ZNF615: variants seen among roughly 807,000 people sequenced by gnomAD.
ZNF615 encodes zinc finger protein 615.
ZNF615 carries 15 observed loss-of-function variants against 15.3 expected under a neutral mutation model. The ratio of observed to expected loss-of-function variants is 0.98; its 90% CI spans 0.66 to 1.51. ZNF615 has a LOEUF of 1.51. Among genes scored for constraint, ZNF615 ranks in the 40% most tolerant of loss-of-function variants. ZNF615 has a pLI of 0.00. For synonymous variants in ZNF615, 268 were observed against 294.6 expected, an observed-to-expected ratio of 0.91 and a Z score of 0.92; for missense variants, 848 against 895.9, an observed-to-expected ratio of 0.95 and a Z score of 0.68.
chr19:52,003,144 G>GA (rs57061790), intron 3 of ZNF615, among the ~76,000 whole-genome samples: 62,984 of 150,186 alleles, frequency 0.42, 15,074 homozygotes, highest in African/African-American at 0.65. Context: ...AGCAAATTTG[G>GA]AAAAAAAAAT....
rs2123006631 is a variant in ZNF615, at chr19:51,993,829, A to G, written c.1280T>C (p.Met427Thr). The G allele has an allele frequency of 6.2e-7, 1 of 1,614,126 alleles. No homozygotes were observed. The highest frequency in any genetic ancestry group is 1.1e-5 in the South Asian group (1 of 91,076). ...GKGFSMKHCL[M>T]VHQRTHTGEK... is the part of the protein sequence containing the mutation. The stretch of plus-strand genomic sequence containing the variant: ...TCCAGTATGAGTTCGTTGATGTACC[A>G]TGAGACAGTGCTTCATTGAAAAGCC... Residue 427 changes from methionine (M) to threonine (T), a missense_variant, in exon 7 of 7, where the codon ATG (methionine) becomes ACG (threonine). Transcript: ENST00000598071.
At chr19:51,998,799 C>T (rs2086513051) in intron 6 of ZNF615, among the ~76,000 whole-genome samples, 1 of 152,096 alleles carries the variant, frequency 6.6e-6, no homozygotes, top group Non-Finnish European at 1.5e-5. Flanking sequence ...GGATTATAGG[C>T]ACATACCACC....
chr19:51,997,387 C>T (rs2086470003), intron 6 of ZNF615, among the ~76,000 whole-genome samples: 1 of 152,208 alleles, frequency 6.6e-6, no homozygotes, highest in Non-Finnish European at 1.5e-5. Context: ...GTGATTATCA[C>T]ATTCCCCAAA....
rs1199619143 is a variant in ZNF615, at chr19:51,991,738, T to C, written c.*1142A>G. On this transcript the variant is annotated 3_prime_UTR_variant, in exon 7 of 7. Transcript: ENST00000598071. ...ACATGAATCAATATATGTGTTAAGA[T>C]TTCTTAAAGCTACATATAAAAAACA... 6.6e-6 allele frequency: 1 copy of C among 152,178 alleles called. No homozygotes were observed. Among genetic ancestry groups the C allele is most frequent in the Admixed American group, 6.5e-5 (1 of 15,276 alleles). The allele number at this position is 152,178 out of a possible 1,614,324, so 9.4% of individuals were successfully genotyped here.
chr19:52,006,871 T>G (rs374262360), intron 2 of ZNF615, among the ~76,000 whole-genome samples: 2 of 152,064 alleles, frequency 1.3e-5, no homozygotes, highest in Non-Finnish European at 2.9e-5. Flanking sequence ...GATGACCAAA[T>G]ATAAAATAAA....
At position 52,001,925 on chromosome 19, in the gene ZNF615, A is replaced by AC. The variant is rs767701823; in HGVS notation, c.143-18dup. On this transcript the variant is annotated splice_polypyrimidine_tract_variant and intron_variant, in intron 4 of 6. Transcript: ENST00000598071. ...CTTGATACCCTGTTCATGGGAAATG[A>AC]CAGAAGATTTAGACAAATCAAACGG... The AC allele has an allele frequency of 3.6e-5, 58 of 1,613,674 alleles. No individual in the cohort carries two copies. In the African/African-American group the frequency reaches 7.1e-4, roughly 20 times the overall value.
intron 6 of ZNF615, among the ~76,000 whole-genome samples, chr19:51,996,385 C>CAAA (rs1172310589): frequency 8.1e-4 from 27 of 33,194 alleles, no homozygotes; most frequent in South Asian, 1.9e-3. Flanking sequence ...GACTCTGTCT[C>CAAA]AAAAAAAAAA....
chr19:52,002,305 AT>A, intron 3 of ZNF615, 24 bp from the exon 4 acceptor site: 1 of 1,613,722 alleles, frequency 6.2e-7, no homozygotes, highest in Non-Finnish European at 8.5e-7. Flanking sequence ...CTTCTGTTTA[AT>A]GAAGTCATAT....
In ZNF615 at chr19:52,003,654, A is replaced by G. The variant is rs148208488; in HGVS notation, c.15+43T>C. 965 of 1,559,306 alleles carry G rather than the reference A, an allele frequency of 6.2e-4. 6 individuals carry two copies. In the African/African-American group the frequency reaches 0.011, roughly 18 times the overall value. On this transcript the variant is annotated intron_variant, in intron 3 of 6. Transcript: ENST00000598071. The stretch of plus-strand genomic sequence containing the variant: ...CTGATTTTTACAGGACTTTAAAAAT[A>G]CATTGGAGAATAAAGGAAAGAATAA...
intron 3 of ZNF615, 36 bp from the exon 4 acceptor site, chr19:52,002,317 T>C (rs745987019): frequency 6.2e-7 from 1 of 1,613,078 alleles, no homozygotes; most frequent in East Asian, 2.2e-5. Flanking sequence ...GAAGTCATAT[T>C]CTTTTGGTGA....
In ZNF615 at chr19:52,007,311, T is replaced by G. The variant is rs758281531; in HGVS notation, c.-208A>C. On this transcript the variant is annotated 5_prime_UTR_variant, in exon 2 of 7. Coordinates refer to ENST00000598071, the MANE Select transcript of ZNF615 (RefSeq NM_001199324.2). ...AGCTTACCATGGCAGAGATGTTATC[T>G]TACTTGTGTCAGAAAGAACCTGAAA... 1 of 1,288,980 alleles carries G rather than the reference T, an allele frequency of 7.8e-7. No homozygotes were observed. The highest frequency in any genetic ancestry group is 2.3e-5 in the Admixed American group (1 of 43,428). The allele number at this position is 1,288,980 out of a possible 1,614,324, so 79.8% of individuals were successfully genotyped here.
chr19:51,995,792 A>C lies in ZNF615; in HGVS notation c.272-955T>G, dbSNP rs540944336. Among the ~76,000 whole-genome samples, 76 of 132,168 alleles carry C rather than the reference A, an allele frequency of 5.8e-4. No homozygotes were observed. In the East Asian group the frequency reaches 0.016, roughly 28 times the overall value. 86.7% of individuals were successfully genotyped at this position (132,168 alleles called of 152,430 possible). A position where few individuals can be genotyped will look rare whatever the true frequency, so the allele number is the denominator to read the frequency against. ...TTGCTGTGTTATCTAGGCTGGTCTCACAAGCTCAAGAAGATCCACCTCCCT... is the reference window on the plus strand; with the variant it reads ...TTGCTGTGTTATCTAGGCTGGTCTCCCAAGCTCAAGAAGATCCACCTCCCT... On this transcript the variant is annotated intron_variant, in intron 6 of 6. Transcript: ENST00000598071.
rs966224631 is a variant in ZNF615, at chr19:52,003,555, T to C, written c.15+142A>G. 5.5e-6 allele frequency: 4 copies of C among 721,810 alleles called. No individual in the cohort carries two copies. The East Asian group carries it at 8.3e-5, about 15-fold the overall frequency. The allele number at this position is 721,810 out of a possible 1,614,324, so 44.7% of individuals were successfully genotyped here. A position where few individuals can be genotyped will look rare whatever the true frequency, so the allele number is the denominator to read the frequency against. ...TGTAGTATGAATCCTATGAATAATA[T>C]ATCCCTGATCCTTCTTTGCCCAGAT... On this transcript the variant is annotated intron_variant, in intron 3 of 6. Transcript: ENST00000598071.
chr19:51,992,072 A>G lies in ZNF615; in HGVS notation c.*808T>C, dbSNP rs1331345097. 6.6e-6 allele frequency: 1 copy of G among 152,226 alleles called. No homozygotes were observed. The highest frequency in any genetic ancestry group is 1.5e-5 in the Non-Finnish European group (1 of 68,038). 9.4% of individuals were successfully genotyped at this position (152,226 alleles called of 1,614,324 possible). A position where few individuals can be genotyped will look rare whatever the true frequency, so the allele number is the denominator to read the frequency against. On this transcript the variant is annotated 3_prime_UTR_variant, in exon 7 of 7. Transcript: ENST00000598071. Reference sequence around the variant, plus strand: ...TACACTTATGAACTGAATATACTGTATCCAGTTTCATTCTGAAGTACTTTA... The same window carrying G: ...TACACTTATGAACTGAATATACTGTGTCCAGTTTCATTCTGAAGTACTTTA...
rs373990657 is a variant in ZNF615 at position 51,994,062 on chromosome 19, A to G, written c.1047T>C (p.His349=). 5 of 1,613,948 alleles carry G rather than the reference A, an allele frequency of 3.1e-6. No individual in the cohort carries two copies. Among genetic ancestry groups the G allele is most frequent in the Non-Finnish European group, 2.5e-6 (3 of 1,180,030 alleles). The change falls in exon 7 of 7, where the codon CAT becomes CAC. Residue 349 remains histidine (H), a synonymous_variant. Transcript: ENST00000598071. ...TACATATATAAGGTTTTTCTCCTGT[A>G]TGAGTTTTCTGATGTGTAGTGAGAC... ...KFSLTTHQKT[H]TGEKPYICSE...
chr19:51,996,243 AGGCATGGT>A (rs1013606427), intron 6 of ZNF615, among the ~76,000 whole-genome samples: 6 of 151,922 alleles, frequency 3.9e-5, no homozygotes, highest in African/African-American at 1.2e-4. Flanking sequence ...TACAAAAATT[AGGCATGGT>A]GGCACATGCC....
chr19:51,992,943 A>C lies in ZNF615; in HGVS notation c.2166T>G (p.Ser722Arg). Reference sequence around the variant, plus strand: ...AGTGCGCAAAAGCTTTCCCACAATCACTACATCCATAGGGCCTCTCTCCTG... The same window carrying C: ...AGTGCGCAAAAGCTTTCCCACAATCCCTACATCCATAGGGCCTCTCTCCTG... Reference protein sequence around the residue: ...KHTGERPYGCSDCGKAFAHLS... With the variant: ...KHTGERPYGCRDCGKAFAHLS... Residue 722 changes from serine (S) to arginine (R), a missense_variant, in exon 7 of 7, where the codon AGT becomes AGG. Coordinates refer to ENST00000598071, the MANE Select transcript of ZNF615 (RefSeq NM_001199324.2). 2 of 1,614,138 alleles carry C rather than the reference A, an allele frequency of 1.2e-6. No individual in the cohort carries two copies. Among genetic ancestry groups the C allele is most frequent in the Non-Finnish European group, 1.7e-6 (2 of 1,180,024 alleles).
At chr19:51,999,901 A>G (rs1043779234) in intron 6 of ZNF615, among the ~76,000 whole-genome samples, 1 of 152,242 alleles carries the variant, frequency 6.6e-6, no homozygotes, top group Non-Finnish European at 1.5e-5. Flanking sequence ...TAAGATGTGC[A>G]GTAATGAAAG....
At chr19:52,007,982 G>A in intron 1 of ZNF615, 159 bp downstream of exon 1, 5 of 655,498 alleles carry the variant, frequency 7.6e-6, no homozygotes, top group Non-Finnish European at 1.1e-5. Flanking sequence ...CCTGCGATAG[G>A]AATCGGACCC....
Sources: gnomAD v4.1 joint callset for allele counts (sites outside exome capture counted in the v4.1 genomes callset) on GRCh38, gnomAD v4.1.1 for gene constraint, MANE v1.5 for transcripts, NCBI Gene and HGNC (gene_info 2026-07-23, HGNC 2026-07-21) for gene names.